Variants in AKR1E2 observed in about 807,000 individuals in gnomAD.
AKR1E2 encodes the protein 1,5-anhydro-D-fructose reductase.
In AKR1E2, 43 loss-of-function variants were observed where a neutral mutation model predicts 41.9. The ratio of observed to expected loss-of-function variants is 1.03; its 90% CI spans 0.80 to 1.32. AKR1E2 has a LOEUF of 1.32. Among genes scored for constraint, AKR1E2 ranks in the 40% most tolerant of loss-of-function variants. The pLI is 0.00. For missense variants in AKR1E2, 423 were observed against 396.5 expected (o/e 1.07, Z -0.57); for synonymous variants, 121 against 138.9 (o/e 0.87, Z 0.91).
At chr10:4,867,479 G>A in the AKR1E2 span, among the ~76,000 whole-genome samples, 1 of 152,144 alleles carries the variant, frequency 6.6e-6, no homozygotes, top group Non-Finnish European at 1.5e-5. Flanking sequence ...CTGGCAACTA[G>A]TATGTTCTTC....
the AKR1E2 span, among the ~76,000 whole-genome samples, chr10:4,860,683 G>A: frequency 1.1e-4 from 16 of 152,070 alleles, no homozygotes; most frequent in East Asian, 1.9e-4. Flanking sequence ...TTTAAAAATC[G>A]AAAAATAAGA....
upstream of AKR1E2, among the ~76,000 whole-genome samples, chr10:4,825,430 G>A (rs940033714): frequency 5.3e-5 from 8 of 152,120 alleles, no homozygotes; most frequent in Admixed American, 2.0e-4. Flanking sequence ...GGCCCTGGGG[G>A]AGCCCAGTCC....
At chr10:4,827,988 T>C (rs752884869) in intron 1 of AKR1E2, among the ~76,000 whole-genome samples, 9 of 152,356 alleles carry the variant, frequency 5.9e-5, no homozygotes, top group Admixed American at 2.0e-4. Flanking sequence ...GGACTGCAGG[T>C]GCATCAAATT....
chr10:4,834,154 C>T (rs553952584), intron 3 of AKR1E2, among the ~76,000 whole-genome samples: 84 of 152,356 alleles, frequency 5.5e-4, no homozygotes, highest in African/African-American at 1.9e-3. Context: ...ACACAGTTGA[C>T]ACCTGTGAAA....
chr10:4,839,354 G>A (rs12573501), intron 5 of AKR1E2, among the ~76,000 whole-genome samples: 5,306 of 152,268 alleles, frequency 0.035, 149 homozygotes, highest in East Asian at 0.12. Flanking sequence ...GAAAGACAGT[G>A]AGCAAATATG....
chr10:4,867,471 G>A, the AKR1E2 span, among the ~76,000 whole-genome samples: 1 of 152,162 alleles, frequency 6.6e-6, no homozygotes, highest in East Asian at 1.9e-4. Context: ...CTTAACCCCT[G>A]GCAACTAGTA....
intron 6 of AKR1E2, among the ~76,000 whole-genome samples, chr10:4,841,291 G>A (rs1833852707): frequency 6.6e-6 from 1 of 152,192 alleles, no homozygotes; most frequent in African/African-American, 2.4e-5. Context: ...CTGAGCAGAG[G>A]ATGCACAGGG....
downstream of AKR1E2, among the ~76,000 whole-genome samples, chr10:4,849,303 CTTATCATTCA>C (rs146574641): frequency 0.034 from 5,206 of 152,268 alleles, 145 homozygotes; most frequent in East Asian, 0.11. Context: ...TTCGTGACTC[CTTATCATTCA>C]TTAGCTGTGT....
At chr10:4,866,812 G>A in the AKR1E2 span, among the ~76,000 whole-genome samples, 6 of 152,030 alleles carry the variant, frequency 3.9e-5, no homozygotes, top group African/African-American at 1.4e-4. Flanking sequence ...GAAATCACAG[G>A]GAGTCAAAGC....
At chr10:4,864,051 A>G in the AKR1E2 span, among the ~76,000 whole-genome samples, 58 of 152,362 alleles carry the variant, frequency 3.8e-4, no homozygotes, top group South Asian at 0.012. Flanking sequence ...AACTGGTACC[A>G]TTCCTTCTGA....
rs1869217 is a variant in AKR1E2 at position 4,847,283 on chromosome 10, G to T, written c.920+53G>T. On this transcript the variant is annotated intron_variant, in intron 9 of 9. Transcript: ENST00000298375. ...AGAGGGAAGAATATACAGATTGAAT[G>T]ATTGGTGTCTGAATAGGTATTTATC... 67,449 of 1,608,156 alleles carry T rather than the reference G, an allele frequency of 0.042. 1,775 individuals are homozygous for T. The highest frequency in any genetic ancestry group is 0.12 in the East Asian group (5,511 of 44,812).
chr10:4,837,693 G>T, intron 5 of AKR1E2, 112 bp downstream of exon 5: 1 of 1,470,480 alleles, frequency 6.8e-7, no homozygotes. Context: ...AAACAGGCCT[G>T]TTCTCCTCTG....
At chr10:4,857,320 T>C in the AKR1E2 span, among the ~76,000 whole-genome samples, 1 of 152,192 alleles carries the variant, frequency 6.6e-6, no homozygotes, top group South Asian at 2.1e-4. Flanking sequence ...TTCTCATGAA[T>C]GGTTTAACAC....
At chr10:4,862,142 T>C in the AKR1E2 span, among the ~76,000 whole-genome samples, 2 of 152,254 alleles carry the variant, frequency 1.3e-5, no homozygotes, top group Non-Finnish European at 2.9e-5. Flanking sequence ...TTCAGCTTTC[T>C]ACATATGGCT....
intron 4 of AKR1E2, among the ~76,000 whole-genome samples, chr10:4,836,850 G>A (rs1833466598): frequency 1.3e-5 from 2 of 152,196 alleles, no homozygotes; most frequent in African/African-American, 4.8e-5. Flanking sequence ...GGTCACTCAG[G>A]ACTTGCTGCT....
Position 4,826,323 on chromosome 10 carries a change from C to T in AKR1E2, c.-2C>T. 1.6e-6 allele frequency: 2 copies of T among 1,234,068 alleles called. No individual in the cohort carries two copies. The highest frequency in any genetic ancestry group is 1.0e-6 in the Non-Finnish European group (1 of 987,488). 76.4% of individuals were successfully genotyped at this position (1,234,068 alleles called of 1,614,324 possible). A position where few individuals can be genotyped will look rare whatever the true frequency, so the allele number is the denominator to read the frequency against. On this transcript the variant is annotated 5_prime_UTR_variant, in exon 1 of 10. Transcript: ENST00000298375. The stretch of plus-strand genomic sequence containing the variant: ...GGGGCGGCGGGGCGGCCGGCGGCGG[C>T]CATGGGAGATATCCCAGCCGTGGGC...
intron 1 of AKR1E2, among the ~76,000 whole-genome samples, chr10:4,827,604 TA>T (rs79049050): frequency 0.037 from 5,419 of 146,222 alleles, 145 homozygotes; most frequent in East Asian, 0.12. Context: ...ATTTGATCTT[TA>T]AAAAAAAAAA....
the AKR1E2 span, among the ~76,000 whole-genome samples, chr10:4,868,915 T>A: frequency 2.0e-5 from 3 of 152,198 alleles, no homozygotes; most frequent in African/African-American, 7.2e-5. Flanking sequence ...ATTCTTTTTA[T>A]ATTTTTTTAA....
In AKR1E2 at chr10:4,826,292, G is replaced by A; in HGVS notation, c.-33G>A. The A allele has an allele frequency of 1.6e-6, 2 of 1,225,784 alleles. No individual in the cohort carries two copies. The highest frequency in any genetic ancestry group is 2.0e-6 in the Non-Finnish European group (2 of 983,750). 75.9% of individuals were successfully genotyped at this position (1,225,784 alleles called of 1,614,324 possible). A position where few individuals can be genotyped will look rare whatever the true frequency, so the allele number is the denominator to read the frequency against. ...GGTGCCTGTCGGTAGTCGCGTGCGG[G>A]GCGGCGGGGCGGCGGGGCGGCCGGC... On this transcript the variant is annotated 5_prime_UTR_variant, in exon 1 of 10. Coordinates refer to ENST00000298375, the MANE Select transcript of AKR1E2 (RefSeq NM_001040177.3).
Sources: allele counts gnomAD v4.1 joint callset (sites outside exome capture counted in the v4.1 genomes callset), GRCh38; gene constraint gnomAD v4.1.1; transcripts MANE v1.5; gene names NCBI Gene and HGNC (gene_info 2026-07-23, HGNC 2026-07-21).